PCBP3: variants seen among roughly 807,000 people sequenced by gnomAD.
PCBP3 encodes the protein poly(rC)-binding protein 3.
In PCBP3, 25 loss-of-function variants were observed where a neutral mutation model predicts 52.7. The ratio of observed to expected loss-of-function variants is 0.47; its 90% confidence interval spans 0.35 to 0.66. The LOEUF is 0.66. Ranked by LOEUF, PCBP3 falls within the 30% of genes least tolerant of loss-of-function variation. PCBP3 has a pLI of 0.01. For synonymous variants in PCBP3, 162 were observed against 183.0 expected (o/e 0.89, Z 0.93); for missense variants, 391 against 490.3 (o/e 0.80, Z 1.91).
At chr21:45,766,431 G>T (rs1470037926) in intron 4 of PCBP3, among the ~76,000 whole-genome samples, 1 of 152,236 alleles carries the variant, frequency 6.6e-6, no homozygotes, top group Non-Finnish European at 1.5e-5. Flanking sequence ...GGATGCGAGA[G>T]CTGTCTCTCT....
Position 45,805,994 on chromosome 21 carries a change from G to A in PCBP3, c.-125-43967G>A, listed in dbSNP as rs2092485657. On this transcript the variant is annotated intron_variant, in intron 4 of 17. Transcript: ENST00000681687. This position sits in a 1 kb window ranked among gnomAD's most constrained non-coding sequence, Gnocchi z 4.6. Reference sequence around the variant, plus strand: ...TGGAGGAGCCTCCTTGTGCTGCTGTGTCTCAGCATTAGAGAGGGCGGTCCA... The same window carrying A: ...TGGAGGAGCCTCCTTGTGCTGCTGTATCTCAGCATTAGAGAGGGCGGTCCA... Among the ~76,000 whole-genome samples, 1 of 152,206 alleles carries A rather than the reference G, an allele frequency of 6.6e-6. No individual in the cohort carries two copies. The highest frequency in any genetic ancestry group is 2.4e-5 in the African/African-American group (1 of 41,440).
chr21:45,687,011 G>A (rs1043336668), intron 2 of PCBP3, among the ~76,000 whole-genome samples: 4 of 152,152 alleles, frequency 2.6e-5, no homozygotes, highest in Middle Eastern at 6.8e-3. Flanking sequence ...TGTGGTAAGA[G>A]CAATAAACCC....
In PCBP3 at chr21:45,737,438, C is replaced by G. The variant is rs2085963792; in HGVS notation, c.-162+2009C>G. Reference sequence around the variant, plus strand: ...CTGGGACTCAGACAGATAAACAACACCTGTTATGTGCTGTTCCCATTTTCT... The same window carrying G: ...CTGGGACTCAGACAGATAAACAACAGCTGTTATGTGCTGTTCCCATTTTCT... On this transcript the variant is annotated intron_variant, in intron 3 of 17. Transcript: ENST00000681687. This position sits in a 1 kb window ranked among gnomAD's most constrained non-coding sequence, Gnocchi z 4.9. Among the ~76,000 whole-genome samples the G allele has an allele frequency of 6.6e-6, 1 of 152,224 alleles. No homozygotes were observed. Among genetic ancestry groups the G allele is most frequent in the African/African-American group, 2.4e-5 (1 of 41,456 alleles).
intron 2 of PCBP3, among the ~76,000 whole-genome samples, chr21:45,681,856 A>G (rs2081871252): frequency 6.6e-6 from 1 of 152,200 alleles, no homozygotes; most frequent in South Asian, 2.1e-4. Flanking sequence ...GAGAGATCAG[A>G]GGAAGGAATC....
chr21:45,858,394 A>ACGGCTTCTCGTCTTGTCTTAGAGGAGGG (rs2094387924), intron 5 of PCBP3: 3 of 152,128 alleles, frequency 2.0e-5, no homozygotes, highest in African/African-American at 7.2e-5. Context: ...GCGGAGGAGG[A>ACGGCTTCTCGTCTTGTCTTAGAGGAGGG]ACGGCTTCTC....
intron 4 of PCBP3, among the ~76,000 whole-genome samples, chr21:45,779,336 G>A (rs1032727650): frequency 2.0e-5 from 3 of 152,156 alleles, no homozygotes; most frequent in African/African-American, 7.2e-5. Context: ...ATTTCTTGGT[G>A]GGGATGTGGG....
chr21:45,907,280 C>G (rs2096235025), intron 9 of PCBP3, among the ~76,000 whole-genome samples: 1 of 152,188 alleles, frequency 6.6e-6, no homozygotes. Context: ...AGAGCTTTTT[C>G]AGTGTGTTCT....
At chr21:45,751,801 C>G (rs1264562104) in intron 3 of PCBP3, among the ~76,000 whole-genome samples, 1 of 152,194 alleles carries the variant, frequency 6.6e-6, no homozygotes, top group Admixed American at 6.5e-5. Context: ...GGGGTCTGTT[C>G]TTCAGCTCAT....
rs1331466267 is a variant in PCBP3 at position 45,656,860 on chromosome 21, C to T, written c.-278-12014C>T. 2.6e-5 allele frequency among the ~76,000 whole-genome samples: 4 copies of T among 152,074 alleles called. No individual in the cohort carries two copies. Among genetic ancestry groups the T allele is most frequent in the East Asian group, 1.9e-4 (1 of 5,176 alleles). ...TTCTTGAGACAGAGTTTTGCTCTGT[C>T]GCCTAGGCTAGAGTGCAGTGGCGCA... is the stretch of plus-strand genomic sequence containing the variant. On this transcript the variant is annotated intron_variant, in intron 1 of 17. Transcript: ENST00000681687. This position sits in a 1 kb window ranked among gnomAD's most constrained non-coding sequence, Gnocchi z 4.3.
intron 4 of PCBP3, among the ~76,000 whole-genome samples, chr21:45,823,694 G>A (rs916413405): frequency 2.0e-5 from 3 of 151,232 alleles, no homozygotes; most frequent in African/African-American, 7.3e-5. Context: ...CTCAAAGAGT[G>A]TGGCAAAGGA....
At chr21:45,933,921 G>C (rs1027020530) in intron 15 of PCBP3, among the ~76,000 whole-genome samples, 15 of 152,166 alleles carry the variant, frequency 9.9e-5, no homozygotes, top group African/African-American at 3.1e-4. Flanking sequence ...GGGCAGAGGT[G>C]GTGGGGAGGA....
At chr21:45,923,452 A>G (rs2149402749) in intron 13 of PCBP3, among the ~76,000 whole-genome samples, 1 of 152,324 alleles carries the variant, frequency 6.6e-6, no homozygotes, top group African/African-American at 2.4e-5. Context: ...CTGGAGTTCC[A>G]TCTTTCCTTG....
At chr21:45,717,852 T>C (rs1458132214) in intron 2 of PCBP3, among the ~76,000 whole-genome samples, 3 of 152,194 alleles carry the variant, frequency 2.0e-5, no homozygotes, top group African/African-American at 7.2e-5. Flanking sequence ...ATAAAATGAG[T>C]TGGGAAGTAT....
At chr21:45,674,920 G>C (rs1474698204) in intron 2 of PCBP3, among the ~76,000 whole-genome samples, 2 of 152,088 alleles carry the variant, frequency 1.3e-5, no homozygotes, top group African/African-American at 4.8e-5. Flanking sequence ...ATCCACAGGG[G>C]CCTCTTTCTC....
chr21:45,823,137 A>G (rs1431756095), intron 4 of PCBP3, among the ~76,000 whole-genome samples: 1 of 152,148 alleles, frequency 6.6e-6, no homozygotes, highest in African/African-American at 2.4e-5. Context: ...GTGAGATTAG[A>G]ATTAGACTTT....
intron 4 of PCBP3, among the ~76,000 whole-genome samples, chr21:45,824,082 T>G (rs2093235578): frequency 6.6e-6 from 1 of 152,228 alleles, no homozygotes; most frequent in African/African-American, 2.4e-5. Context: ...ATTTATAATG[T>G]GTCTTTAGTT....
chr21:45,876,093 G>A lies in PCBP3; in HGVS notation c.11-20115G>A, dbSNP rs77466599. Among the ~76,000 whole-genome samples, 1,029 of 152,308 alleles carry A rather than the reference G, an allele frequency of 6.8e-3. 11 individuals carry two copies. Among genetic ancestry groups the A allele is most frequent in the African/African-American group, 0.023 (975 of 41,570 alleles). ...GCTTCCCACTAAGACTAGAGGGCCC[G>A]TGGAGCCTGAGATGTTGTGTGCAGC... On this transcript the variant is annotated intron_variant, in intron 5 of 17. Transcript: ENST00000681687.
intron 4 of PCBP3, among the ~76,000 whole-genome samples, chr21:45,838,800 C>T (rs1166026881): frequency 6.6e-6 from 1 of 151,954 alleles, no homozygotes; most frequent in East Asian, 1.9e-4. Flanking sequence ...AGTCAGATTC[C>T]TGTGTTTTAA....
intron 9 of PCBP3, among the ~76,000 whole-genome samples, chr21:45,906,189 G>A (rs2096199372): frequency 1.3e-5 from 2 of 152,240 alleles, no homozygotes; most frequent in Non-Finnish European, 2.9e-5. Context: ...TGGAGGGGCA[G>A]CGTGAACACC....
Sources: gnomAD v4.1 joint callset for allele counts (sites outside exome capture counted in the v4.1 genomes callset) on GRCh38, gnomAD v4.1.1 for gene constraint, Gnocchi (gnomAD v3.1) non-coding constraint, MANE v1.5 for transcripts, NCBI Gene and HGNC (gene_info 2026-07-23, HGNC 2026-07-21) for gene names.